Variants in HECW1 observed in about 807,000 individuals in gnomAD.
HECW1 encodes the protein E3 ubiquitin-protein ligase HECW1.
In HECW1, 61 loss-of-function variants were observed where a neutral mutation model predicts 182.3. The observed-to-expected ratio is 0.33, with a 90% confidence interval of 0.27 to 0.41. HECW1 has a LOEUF of 0.41. Ranked by LOEUF, HECW1 falls within the 10% of genes least tolerant of loss-of-function variation. HECW1 has a pLI of 1.00. For synonymous variants in HECW1, 859 were observed against 832.6 expected (o/e 1.03, Z -0.55); for missense variants, 1,739 against 2,108.9 (o/e 0.82, Z 3.44).
intron 2 of HECW1, among the ~76,000 whole-genome samples, chr7:43,151,589 A>G (rs1789331164): frequency 6.6e-6 from 1 of 152,220 alleles, no homozygotes; most frequent in African/African-American, 2.4e-5. Flanking sequence ...GAAAAAGGAA[A>G]TTTAAAATGT....
rs192288391 is a variant in HECW1, at chr7:43,286,062, G to A, written c.28-25701G>A. 6.0e-4 allele frequency among the ~76,000 whole-genome samples: 91 copies of A among 152,172 alleles called. 1 individual carries two copies. The highest frequency in any genetic ancestry group is 4.7e-3 in the Admixed American group (72 of 15,288). Reference sequence around the variant, plus strand: ...ACAGAGATAGATCAGAGAGACCTTCGAGCCATGTCCAAGATGGAAAGGACA... The same window carrying A: ...ACAGAGATAGATCAGAGAGACCTTCAAGCCATGTCCAAGATGGAAAGGACA... On this transcript the variant is annotated intron_variant, in intron 3 of 29. Transcript: ENST00000395891.
At chr7:43,366,458 A>G (rs1385937582) in intron 6 of HECW1, among the ~76,000 whole-genome samples, 1 of 152,250 alleles carries the variant, frequency 6.6e-6, no homozygotes, top group Non-Finnish European at 1.5e-5. Flanking sequence ...TAAAGCAACT[A>G]TGGACCAGCT....
chr7:43,476,064 G>A (rs1390353421), intron 16 of HECW1, among the ~76,000 whole-genome samples: 1 of 152,096 alleles, frequency 6.6e-6, no homozygotes, highest in African/African-American at 2.4e-5. Context: ...TACAAAAAAA[G>A]GAGGTAAAAA....
intron 3 of HECW1, among the ~76,000 whole-genome samples, chr7:43,282,330 G>T (rs1201516031): frequency 6.6e-6 from 1 of 152,170 alleles, no homozygotes; most frequent in African/African-American, 2.4e-5. Flanking sequence ...ACTCTTTTTC[G>T]CTGACTTCAC....
intron 17 of HECW1, among the ~76,000 whole-genome samples, chr7:43,481,809 C>T (rs2078444625): frequency 6.6e-6 from 1 of 151,704 alleles, no homozygotes; most frequent in Admixed American, 6.6e-5. Context: ...ATGGTGAAAC[C>T]CCATCTCTAC....
At chr7:43,222,989 G>A (rs1181098795) in intron 2 of HECW1, among the ~76,000 whole-genome samples, 6 of 152,158 alleles carry the variant, frequency 3.9e-5, no homozygotes, top group South Asian at 2.1e-4. Flanking sequence ...TGTCTAAGAA[G>A]CATTTCAAAC....
chr7:43,124,487 CT>C (rs1171909919), intron 2 of HECW1, among the ~76,000 whole-genome samples: 1 of 152,244 alleles, frequency 6.6e-6, no homozygotes, highest in African/African-American at 2.4e-5. Context: ...ATTCAACCCA[CT>C]CATTTTCCAC....
chr7:43,520,569 C>T (rs2080418877), intron 24 of HECW1, among the ~76,000 whole-genome samples: 1 of 152,178 alleles, frequency 6.6e-6, no homozygotes, highest in Non-Finnish European at 1.5e-5. Context: ...ATGATTTCTT[C>T]ATGATTTCCT....
intron 2 of HECW1, among the ~76,000 whole-genome samples, chr7:43,236,455 G>A (rs1562713760): frequency 6.6e-6 from 1 of 152,144 alleles, no homozygotes; most frequent in Non-Finnish European, 1.5e-5. Context: ...CAAGGTGGTT[G>A]GGGTACAGCT....
At chr7:43,230,593 T>G (rs1317281140) in intron 2 of HECW1, among the ~76,000 whole-genome samples, 1 of 152,202 alleles carries the variant, frequency 6.6e-6, no homozygotes, top group African/African-American at 2.4e-5. Flanking sequence ...ATAATTGTAC[T>G]GTAGGTATAT....
At chr7:43,455,153 A>G (rs2077360357) in intron 12 of HECW1, among the ~76,000 whole-genome samples, 3 of 150,718 alleles carry the variant, frequency 2.0e-5, no homozygotes, top group Non-Finnish European at 4.4e-5. Context: ...TTTTGTTTTT[A>G]ATTTGGGAAG....
intron 3 of HECW1, among the ~76,000 whole-genome samples, chr7:43,303,155 T>C (rs1807075166): frequency 1.3e-5 from 2 of 152,172 alleles, no homozygotes; most frequent in South Asian, 4.1e-4. Context: ...GCAACTTCGC[T>C]GCTGAACGCC....
At chr7:43,530,518 TGGA>T (rs2080941100) in intron 24 of HECW1, among the ~76,000 whole-genome samples, 1 of 151,944 alleles carries the variant, frequency 6.6e-6, no homozygotes. Flanking sequence ...GATGGATGGA[TGGA>T]TGGATGGATG....
intron 2 of HECW1, among the ~76,000 whole-genome samples, chr7:43,225,803 G>A (rs1389810495): frequency 1.4e-5 from 2 of 147,592 alleles, no homozygotes; most frequent in Admixed American, 6.7e-5. Flanking sequence ...TTTTTTTTTT[G>A]GGACAGGGTC....
At position 43,444,691 on chromosome 7, in the gene HECW1, G is replaced by A; in HGVS notation, c.1519G>A (p.Glu507Lys). The change falls in exon 11 of 30, where the codon GAG (glutamate) becomes AAG (lysine). Residue 507 changes from glutamate to lysine, a missense_variant. Coordinates refer to ENST00000395891, the MANE Select transcript of HECW1 (RefSeq NM_015052.5). This position sits in a 1 kb window ranked among gnomAD's most constrained non-coding sequence, Gnocchi z 4.3. ...AGREEEEKEQ[E>K]EEGDVSTLEQ... is the part of the protein sequence containing the mutation. ...AAGGGAAGAAGAGGAGAAGGAGCAGGAGGAGGAGGGAGATGTGTCTACCCT... is the reference window on the plus strand; with the variant it reads ...AAGGGAAGAAGAGGAGAAGGAGCAGAAGGAGGAGGGAGATGTGTCTACCCT... 6.2e-7 allele frequency: 1 copy of A among 1,606,654 alleles called. No homozygotes were observed.
At chr7:43,327,337 C>A (rs1393692884) in intron 5 of HECW1, among the ~76,000 whole-genome samples, 1 of 152,062 alleles carries the variant, frequency 6.6e-6, no homozygotes, top group African/African-American at 2.4e-5. Context: ...CCGTGGAAAC[C>A]AAGACTCCCC....
At chr7:43,142,463 TC>T (rs1401823494) in intron 2 of HECW1, among the ~76,000 whole-genome samples, 1 of 152,064 alleles carries the variant, frequency 6.6e-6, no homozygotes, top group Non-Finnish European at 1.5e-5. Flanking sequence ...CCTCCTCCCT[TC>T]CGAGGGTCGA....
intron 2 of HECW1, among the ~76,000 whole-genome samples, chr7:43,140,181 G>T (rs368558943): frequency 6.0e-5 from 9 of 151,206 alleles, no homozygotes; most frequent in African/African-American, 2.2e-4. Context: ...TCCTTTTTTG[G>T]CTCTGTTTCA....
chr7:43,306,416 C>T (rs1214761527), intron 3 of HECW1, among the ~76,000 whole-genome samples: 6 of 151,526 alleles, frequency 4.0e-5, no homozygotes, highest in Non-Finnish European at 7.4e-5. Flanking sequence ...CACCTGGTGG[C>T]GTAACAAAGC....
Sources: allele counts gnomAD v4.1 joint callset (sites outside exome capture counted in the v4.1 genomes callset), GRCh38; gene constraint gnomAD v4.1.1; non-coding constraint Gnocchi (gnomAD v3.1); transcripts MANE v1.5; gene names NCBI Gene and HGNC (gene_info 2026-07-23, HGNC 2026-07-21).